Variants in MREG observed in about 807,000 individuals in gnomAD.
MREG encodes melanoregulin, also known as dilute suppressor protein homolog.
A neutral mutation model predicts 28.5 loss-of-function variants in MREG; 31 were observed. That is an observed-to-expected ratio of 1.09 (90% CI 0.82 to 1.47). MREG has a LOEUF of 1.47. MREG is among the 40% of genes most tolerant of loss of function. The probability of loss-of-function intolerance (pLI) is 0.00; values close to 1 mark genes in which losing one functional copy is unlikely to be tolerated. For synonymous variants in MREG, 106 were observed against 95.2 expected (o/e 1.11, Z -0.66); for missense variants, 256 against 257.4 (o/e 0.99, Z 0.04).
intron 2 of MREG, among the ~76,000 whole-genome samples, chr2:215,986,277 T>G (rs1355181560): frequency 6.6e-6 from 1 of 152,226 alleles, no homozygotes; most frequent in Non-Finnish European, 1.5e-5. Context: ...CAGCTTCTTT[T>G]GAAAAATTAA....
chr2:215,952,821 C>T (rs1692523745), intron 2 of MREG, among the ~76,000 whole-genome samples: 3 of 152,104 alleles, frequency 2.0e-5, no homozygotes, highest in African/African-American at 7.2e-5. Flanking sequence ...TTGAACATTT[C>T]CTCTTCTTTT....
At chr2:215,956,263 G>A (rs979201624) in intron 2 of MREG, among the ~76,000 whole-genome samples, 12 of 152,248 alleles carry the variant, frequency 7.9e-5, no homozygotes, top group Middle Eastern at 3.4e-3. Flanking sequence ...GCATTCCTGA[G>A]GATTAACTGA....
chr2:215,987,520 C>T (rs1252227863), intron 2 of MREG, among the ~76,000 whole-genome samples: 7 of 152,098 alleles, frequency 4.6e-5, no homozygotes, highest in Admixed American at 4.6e-4. Context: ...GCTGGGATTA[C>T]AGGCGTTAGC....
chr2:216,012,924 A>G (rs545538958), intron 1 of MREG, among the ~76,000 whole-genome samples: 1 of 152,266 alleles, frequency 6.6e-6, no homozygotes, highest in Non-Finnish European at 1.5e-5. Context: ...TCAGACCCCT[A>G]TGGAAACTTC....
intron 2 of MREG, among the ~76,000 whole-genome samples, chr2:215,957,854 C>A (rs527582008): frequency 6.6e-6 from 1 of 152,030 alleles, no homozygotes; most frequent in Non-Finnish European, 1.5e-5. Flanking sequence ...TTGGAACCAA[C>A]CCAAATGTCC....
At chr2:216,021,751 T>G (rs1332681071) in intron 1 of MREG, among the ~76,000 whole-genome samples, 1 of 152,200 alleles carries the variant, frequency 6.6e-6, no homozygotes, top group African/African-American at 2.4e-5. Flanking sequence ...TACAATTTCA[T>G]GGGAAATGGG....
At chr2:215,972,382 C>T (rs1480085243) in intron 2 of MREG, among the ~76,000 whole-genome samples, 1 of 152,118 alleles carries the variant, frequency 6.6e-6, no homozygotes, top group African/African-American at 2.4e-5. Flanking sequence ...GTGGCTCACA[C>T]CTGTAATCCC....
chr2:215,954,365 T>C (rs1335364655), intron 2 of MREG, among the ~76,000 whole-genome samples: 1 of 151,902 alleles, frequency 6.6e-6, no homozygotes, highest in Non-Finnish European at 1.5e-5. Flanking sequence ...TTTGTCTTTC[T>C]TGGATGGTGA....
intron 2 of MREG, among the ~76,000 whole-genome samples, chr2:215,967,603 T>G (rs762095786): frequency 1.6e-4 from 24 of 152,184 alleles, no homozygotes; most frequent in Non-Finnish European, 2.1e-4. Context: ...GTGTCCTTTT[T>G]GTATGAAAAA....
At chr2:215,966,800 C>T (rs1238245352) in intron 2 of MREG, among the ~76,000 whole-genome samples, 1 of 152,124 alleles carries the variant, frequency 6.6e-6, no homozygotes, top group Non-Finnish European at 1.5e-5. Flanking sequence ...CGAGGTTTCG[C>T]CATGTTGGTC....
intron 1 of MREG, among the ~76,000 whole-genome samples, chr2:216,006,412 C>T (rs1694155557): frequency 6.6e-6 from 1 of 152,240 alleles, no homozygotes; most frequent in African/African-American, 2.4e-5. Context: ...AAGGCAAAAG[C>T]ACCAGCCTTG....
At chr2:216,020,937 CAG>C (rs1165978229) in intron 1 of MREG, among the ~76,000 whole-genome samples, 2 of 152,188 alleles carry the variant, frequency 1.3e-5, no homozygotes, top group Non-Finnish European at 2.9e-5. Context: ...ACCAAACAGA[CAG>C]AGAGAAATTA....
At chr2:216,019,447 C>G (rs1694490683) in intron 1 of MREG, among the ~76,000 whole-genome samples, 1 of 151,816 alleles carries the variant, frequency 6.6e-6, no homozygotes, top group Non-Finnish European at 1.5e-5. Flanking sequence ...CTATCTGTTT[C>G]TGTCTGTCCT....
In MREG at chr2:215,962,878, G is replaced by A. The variant is rs539700744; in HGVS notation, c.256-15765C>T. On this transcript the variant is annotated intron_variant, in intron 2 of 4. Coordinates refer to ENST00000263268, the MANE Select transcript of MREG (RefSeq NM_018000.3). Reference sequence around the variant, plus strand: ...GGGCCAAGCATGGTGGCTCACGCTTGTAATCCCAGCAATTTGGGAGGCCAA... The same window carrying A: ...GGGCCAAGCATGGTGGCTCACGCTTATAATCCCAGCAATTTGGGAGGCCAA... Among the ~76,000 whole-genome samples, 7 of 152,346 alleles carry A rather than the reference G, an allele frequency of 4.6e-5. No individual in the cohort carries two copies. In the East Asian group the frequency reaches 5.8e-4, roughly 13 times the overall value.
intron 2 of MREG, among the ~76,000 whole-genome samples, chr2:215,991,274 C>T (rs1389143344): frequency 1.3e-5 from 2 of 152,152 alleles, no homozygotes; most frequent in South Asian, 4.1e-4. Flanking sequence ...AACTGAACAA[C>T]CTGTTGTTTA....
Position 215,996,925 on chromosome 2 carries a change from C to T in MREG, c.96-460G>A, listed in dbSNP as rs189961673. ...CCTACCGAGTACCTGGGATTACAGG[C>T]GCCTGCCACCACGCCCGGATAATTC... is the stretch of plus-strand genomic sequence containing the variant. On this transcript the variant is annotated intron_variant, in intron 1 of 4. Coordinates refer to ENST00000263268, the MANE Select transcript of MREG (RefSeq NM_018000.3). Among the ~76,000 whole-genome samples, 202 of 152,236 alleles carry T rather than the reference C, an allele frequency of 1.3e-3. 1 individual carries two copies. The highest frequency in any genetic ancestry group is 5.2e-3 in the East Asian group (27 of 5,172).
At position 215,944,986 on chromosome 2, in the gene MREG, A is replaced by C; in HGVS notation, c.522T>G (p.Ile174Met). 5 of 1,584,098 alleles carry C rather than the reference A, an allele frequency of 3.2e-6. No individual in the cohort carries two copies. Among genetic ancestry groups the C allele is most frequent in the Non-Finnish European group, 4.3e-6 (5 of 1,156,230 alleles). The change falls in exon 5 of 5, where the codon ATT becomes ATG. Residue 174 changes from isoleucine (I) to methionine (M), a missense_variant. By Grantham distance (10) the Ile-to-Met change is conservative. Coordinates refer to ENST00000263268, the MANE Select transcript of MREG (RefSeq NM_018000.3). ...ERYLFVVDRL[I>M]ALDAAEEFFK... ...AGAACTCTTCTGCAGCATCAAGTGC[A>C]ATGAGACGGTCCTGCAAAAACAAAC...
rs1711 is a variant in MREG at position 215,944,361 on chromosome 2, C to T, written c.*502G>A. On this transcript the variant is annotated 3_prime_UTR_variant, in exon 5 of 5. Coordinates refer to ENST00000263268, the MANE Select transcript of MREG (RefSeq NM_018000.3). ...CTCAAAGAGATGCCCTGACACCCTC[C>T]AAGGTTCTACAAGGTGACCAAATCA... The T allele has an allele frequency of 0.082, 12,496 of 152,394 alleles. 584 individuals are homozygous for T. The highest frequency in any genetic ancestry group is 0.22 in the Middle Eastern group (63 of 292). 9.4% of individuals were successfully genotyped at this position (152,394 alleles called of 1,614,324 possible). A position where few individuals can be genotyped will look rare whatever the true frequency, so the allele number is the denominator to read the frequency against.
downstream of MREG, among the ~76,000 whole-genome samples, chr2:215,940,379 C>T (rs188490313): frequency 1.5e-3 from 224 of 152,116 alleles, no homozygotes; most frequent in African/African-American, 5.0e-3. Flanking sequence ...GAAAGTGATC[C>T]GAGGAAATGA....
Sources: allele counts gnomAD v4.1 joint callset (sites outside exome capture counted in the v4.1 genomes callset), GRCh38; gene constraint gnomAD v4.1.1; transcripts MANE v1.5; gene names NCBI Gene and HGNC (gene_info 2026-07-23, HGNC 2026-07-21).